Variants in BNC2 observed in about 807,000 individuals in gnomAD.
BNC2 encodes basonuclin zinc finger protein 2.
Under a neutral mutation model 76.3 loss-of-function variants are expected in BNC2, and 20 were observed. The ratio of observed to expected loss-of-function variants is 0.26; its 90% confidence interval spans 0.18 to 0.38. The LOEUF (loss-of-function observed/expected upper bound fraction) is 0.38, where lower values mean the gene tolerates loss of function less well. Among genes scored for constraint, BNC2 ranks in the 10% least tolerant of loss-of-function variants. The pLI, the probability that BNC2 is intolerant of heterozygous loss-of-function variation, is 1.00. For synonymous variants in BNC2, 582 were observed against 514.8 expected (o/e 1.13, Z -1.77); for missense variants, 1,382 against 1,399.8 (o/e 0.99, Z 0.20).
chr9:16,479,418 A>G (rs1249734373), intron 5 of BNC2, among the ~76,000 whole-genome samples: 5 of 152,182 alleles, frequency 3.3e-5, no homozygotes. Context: ...AGCACCTAGC[A>G]AAAGTTTTCA....
At chr9:16,572,760 G>A (rs1819361813) in intron 4 of BNC2, among the ~76,000 whole-genome samples, 2 of 152,126 alleles carry the variant, frequency 1.3e-5, no homozygotes, top group African/African-American at 2.4e-5. Flanking sequence ...GTCAAAGTAC[G>A]AAAAACTGGG....
chr9:16,648,127 A>C (rs1821687704), intron 3 of BNC2, among the ~76,000 whole-genome samples: 1 of 152,188 alleles, frequency 6.6e-6, no homozygotes, highest in African/African-American at 2.4e-5. Context: ...AGCACTAAGC[A>C]ACAAACATGG....
chr9:16,803,468 T>A (rs1387885237), intron 1 of BNC2, among the ~76,000 whole-genome samples: 1 of 152,094 alleles, frequency 6.6e-6, no homozygotes, highest in Non-Finnish European at 1.5e-5. Context: ...AAGTGACGAG[T>A]TAACATGAGA....
At chr9:16,800,317 C>A (rs1428479673) in intron 1 of BNC2, among the ~76,000 whole-genome samples, 2 of 151,950 alleles carry the variant, frequency 1.3e-5, no homozygotes, top group African/African-American at 4.8e-5. Flanking sequence ...CAAAATTACA[C>A]TTCTAGAAGA....
chr9:16,680,293 T>C (rs200945024), intron 3 of BNC2, among the ~76,000 whole-genome samples: 1 of 152,152 alleles, frequency 6.6e-6, no homozygotes, highest in Admixed American at 6.5e-5. Flanking sequence ...CTTCACACTT[T>C]TTCTATGTTG....
chr9:16,483,935 C>T (rs1023339459), intron 5 of BNC2, among the ~76,000 whole-genome samples: 9 of 152,180 alleles, frequency 5.9e-5, no homozygotes, highest in Non-Finnish European at 7.4e-5. Flanking sequence ...CTTTTCTATA[C>T]GCCATGGGTA....
intron 3 of BNC2, among the ~76,000 whole-genome samples, chr9:16,661,488 A>G (rs1184882969): frequency 6.6e-6 from 1 of 152,160 alleles, no homozygotes; most frequent in African/African-American, 2.4e-5. Context: ...TAAGGTATGT[A>G]TTATAGAAGA....
At chr9:16,710,697 A>C (rs1823811745) in intron 3 of BNC2, among the ~76,000 whole-genome samples, 1 of 151,980 alleles carries the variant, frequency 6.6e-6, no homozygotes, top group Non-Finnish European at 1.5e-5. Flanking sequence ...ACCCCCACAT[A>C]AACTATCTAT....
chr9:16,555,898 T>C (rs1187584382), intron 4 of BNC2, among the ~76,000 whole-genome samples: 2 of 152,202 alleles, frequency 1.3e-5, no homozygotes, highest in Non-Finnish European at 2.9e-5. Context: ...TATTTTAGGT[T>C]TGTGGGTTAT....
At chr9:16,664,967 T>C (rs1490076682) in intron 3 of BNC2, 15 of 321,576 alleles carry the variant, frequency 4.7e-5, no homozygotes, top group South Asian at 2.7e-4. Flanking sequence ...TAGGCAGCAT[T>C]AGCACAATGC....
chr9:16,785,370 T>G (rs1297082971), intron 1 of BNC2, among the ~76,000 whole-genome samples: 1 of 152,048 alleles, frequency 6.6e-6, no homozygotes, highest in East Asian at 1.9e-4. Context: ...GGTGACTACT[T>G]AAGGTGATGG....
chr9:16,850,361 C>T (rs1392695175), intron 1 of BNC2, among the ~76,000 whole-genome samples: 2 of 152,122 alleles, frequency 1.3e-5, no homozygotes, highest in Non-Finnish European at 2.9e-5. Flanking sequence ...AAATATGATA[C>T]CAATTCTTAT....
chr9:16,467,824 G>A (rs1821726136), intron 5 of BNC2, among the ~76,000 whole-genome samples: 1 of 136,878 alleles, frequency 7.3e-6, no homozygotes, highest in Non-Finnish European at 1.5e-5. Flanking sequence ...CTAAAACTTA[G>A]AGTATAATAA....
At chr9:16,735,438 C>T (rs1888205) in intron 2 of BNC2, among the ~76,000 whole-genome samples, 136,642 of 150,994 alleles carry the variant, frequency 0.9, 61,848 homozygotes, top group Non-Finnish European at 0.92. Context: ...GCGCACACAA[C>T]GGGAAATTAA....
chr9:16,643,614 A>G (rs1821548499), intron 3 of BNC2, among the ~76,000 whole-genome samples: 1 of 152,104 alleles, frequency 6.6e-6, no homozygotes, highest in African/African-American at 2.4e-5. Flanking sequence ...TCTTATTTTT[A>G]ATTCTAGAAT....
chr9:16,648,405 A>G (rs1285704125), intron 3 of BNC2, among the ~76,000 whole-genome samples: 4 of 152,234 alleles, frequency 2.6e-5, no homozygotes, highest in African/African-American at 4.8e-5. Context: ...TGGTGATAGC[A>G]GTGATTGAGA....
intron 3 of BNC2, among the ~76,000 whole-genome samples, chr9:16,640,104 T>G (rs760170565): frequency 6.7e-6 from 1 of 148,492 alleles, no homozygotes; most frequent in Admixed American, 6.7e-5. Flanking sequence ...AAAAAAAAAA[T>G]AGAGACTAGC....
intron 1 of BNC2, among the ~76,000 whole-genome samples, chr9:16,787,415 T>C (rs1826326227): frequency 6.6e-6 from 1 of 152,222 alleles, no homozygotes; most frequent in African/African-American, 2.4e-5. Context: ...GTATGGACTC[T>C]GGAGCCACGC....
intron 1 of BNC2, among the ~76,000 whole-genome samples, chr9:16,864,073 T>A (rs1461912944): frequency 6.6e-6 from 1 of 152,186 alleles, no homozygotes. Flanking sequence ...AATTTACAAA[T>A]ACTTATTTTA....
Sources: allele counts gnomAD v4.1 joint callset (sites outside exome capture counted in the v4.1 genomes callset), GRCh38; gene constraint gnomAD v4.1.1; transcripts MANE v1.5; gene names NCBI Gene and HGNC (gene_info 2026-07-23, HGNC 2026-07-21).